The following NOD2 variants were observed in gnomAD, a reference collection of about 807,000 sequenced individuals.
NOD2 encodes the protein nucleotide-binding oligomerization domain-containing protein 2.
A neutral mutation model predicts 90.9 loss-of-function variants in NOD2; 86 were observed. The observed-to-expected ratio is 0.95, with a 90% CI of 0.79 to 1.13. NOD2 has a LOEUF of 1.13. Ranked by LOEUF, NOD2 falls within the 50% of genes most tolerant of loss-of-function variation. NOD2 has a pLI of 0.00. For missense variants in NOD2, 1,238 were observed against 1,283.8 expected, an observed-to-expected ratio of 0.96 and a Z score of 0.55; for synonymous variants, 581 against 554.6, an observed-to-expected ratio of 1.05 and a Z score of -0.67.
At chr16:50,698,544 G>A (rs746049158) in intron 1 of NOD2, among the ~76,000 whole-genome samples, 2 of 152,198 alleles carry the variant, frequency 1.3e-5, no homozygotes, top group Admixed American at 1.3e-4. Flanking sequence ...CACACAGCAC[G>A]GGCTTGGGGC....
Position 50,703,838 on chromosome 16 carries a change from G to T in NOD2, c.459+3884G>T, listed in dbSNP as rs74017777. ...CTCTTCTGGGAAGTCAGTCGGCAATGCCATGAATGAGTCTGGGGAAATATT... is the reference window on the plus strand; with the variant it reads ...CTCTTCTGGGAAGTCAGTCGGCAATTCCATGAATGAGTCTGGGGAAATATT... On this transcript the variant is annotated intron_variant, in intron 2 of 11. Transcript: ENST00000647318. Among the ~76,000 whole-genome samples the T allele has an allele frequency of 7.5e-3, 1,146 of 152,268 alleles. 11 individuals carry two copies. Among genetic ancestry groups the T allele is most frequent in the African/African-American group, 0.027 (1,110 of 41,542 alleles).
chr16:50,720,059 T>C (rs780786064), intron 7 of NOD2, 51 bp downstream of exon 7: 1 of 1,555,106 alleles, frequency 6.4e-7, no homozygotes, highest in Non-Finnish European at 8.9e-7. Context: ...TTGGGACTTT[T>C]GAGGATTTAG....
intron 2 of NOD2, among the ~76,000 whole-genome samples, chr16:50,702,031 G>A (rs989761024): frequency 5.9e-5 from 9 of 152,210 alleles, no homozygotes; most frequent in Admixed American, 5.2e-4. Flanking sequence ...CTGAAGTCTC[G>A]AACTTCTGGG....
chr16:50,722,521 C>G, intron 7 of NOD2, 101 bp from the exon 8 acceptor site: 2 of 1,168,452 alleles, frequency 1.7e-6, no homozygotes, highest in Non-Finnish European at 2.6e-6. Flanking sequence ...GGTCCTGCCC[C>G]TCTGGCTGGG....
At chr16:50,712,604 T>G in intron 4 of NOD2, 15 of 589,572 alleles carry the variant, frequency 2.5e-5, no homozygotes, top group East Asian at 2.9e-5. Flanking sequence ...CTTTCCGGAA[T>G]GACCTCATCT....
Position 50,707,257 on chromosome 16 carries a change from A to G in NOD2, c.460-598A>G, listed in dbSNP as rs192663765. On this transcript the variant is annotated intron_variant, in intron 2 of 11. Coordinates refer to ENST00000647318, the MANE Select transcript of NOD2 (RefSeq NM_001370466.1). ...GGCAGATTACAGACGAGAGGCTTCA[A>G]GGGTGACTCCAAGACTTCGGGGCAG... Among the ~76,000 whole-genome samples, 64 of 152,320 alleles carry G rather than the reference A, an allele frequency of 4.2e-4. No individual in the cohort carries two copies. The East Asian group carries it at 0.01, about 24-fold the overall frequency.
At chr16:50,714,073 T>A (rs1164759071) in intron 4 of NOD2, among the ~76,000 whole-genome samples, 1 of 152,174 alleles carries the variant, frequency 6.6e-6, no homozygotes, top group Non-Finnish European at 1.5e-5. Context: ...GAAATAAGAA[T>A]GTGCATTTTC....
chr16:50,704,603 A>G (rs959996193), intron 2 of NOD2, among the ~76,000 whole-genome samples: 4 of 149,996 alleles, frequency 2.7e-5, no homozygotes, highest in African/African-American at 9.9e-5. Context: ...GTGTGATCTC[A>G]GCTCACTGCA....
In NOD2 at chr16:50,732,181, G is replaced by A. The variant is rs533083386; in HGVS notation, c.*362G>A. 12 of 383,414 alleles carry A rather than the reference G, an allele frequency of 3.1e-5. No individual in the cohort carries two copies. Among genetic ancestry groups the A allele is most frequent in the African/African-American group, 1.9e-4 (9 of 48,090 alleles). 23.8% of individuals were successfully genotyped at this position (383,414 alleles called of 1,614,324 possible). A position where few individuals can be genotyped will look rare whatever the true frequency, so the allele number is the denominator to read the frequency against. On this transcript the variant is annotated 3_prime_UTR_variant, in exon 12 of 12. Transcript: ENST00000647318. Reference sequence around the variant, plus strand: ...TGTGCTTGTTAACTGAGTGCCTTTTGGTGGAGAGGCCCGGCCTCTCACAAA... The same window carrying A: ...TGTGCTTGTTAACTGAGTGCCTTTTAGTGGAGAGGCCCGGCCTCTCACAAA...
chr16:50,708,910 G>A (rs765781327), intron 3 of NOD2, among the ~76,000 whole-genome samples: 16 of 152,246 alleles, frequency 1.1e-4, no homozygotes, highest in Non-Finnish European at 2.2e-4. Flanking sequence ...ACGGAGTGCA[G>A]GCCCTGGTTT....
intron 10 of NOD2, chr16:50,728,223 T>C (rs927145002): frequency 1.2e-5 from 3 of 249,944 alleles, no homozygotes; most frequent in African/African-American, 4.5e-5. Flanking sequence ...TTGCTCTCAA[T>C]TGGTCATTGT....
At chr16:50,707,092 C>G (rs1441369633) in intron 2 of NOD2, among the ~76,000 whole-genome samples, 1 of 152,202 alleles carries the variant, frequency 6.6e-6, no homozygotes, top group Non-Finnish European at 1.5e-5. Flanking sequence ...TTGATTTCAT[C>G]TATTTCTTTT....
At chr16:50,699,127 C>T (rs764955541) in intron 1 of NOD2, among the ~76,000 whole-genome samples, 25 of 152,190 alleles carry the variant, frequency 1.6e-4, no homozygotes, top group African/African-American at 2.9e-4. Context: ...AGCGTTTCAC[C>T]GTGTTGGCCG....
chr16:50,716,120 T>C (rs1964781387), intron 4 of NOD2, among the ~76,000 whole-genome samples: 1 of 152,184 alleles, frequency 6.6e-6, no homozygotes. Context: ...TATGCCTGTT[T>C]CTGAAGTTTT....
At position 50,722,604 on chromosome 16, in the gene NOD2, C is replaced by T; in HGVS notation, c.2634-18C>T. 6.2e-7 allele frequency: 1 copy of T among 1,612,726 alleles called. No homozygotes were observed. The highest frequency in any genetic ancestry group is 8.5e-7 in the Non-Finnish European group (1 of 1,178,688). On this transcript the variant is annotated intron_variant, in intron 7 of 11. Coordinates refer to ENST00000647318, the MANE Select transcript of NOD2 (RefSeq NM_001370466.1). ...GGTACTCACTGACACTGTCTGTTGACTCTTTTGGCCTTTTCAGATTCTGGG... is the reference window on the plus strand; with the variant it reads ...GGTACTCACTGACACTGTCTGTTGATTCTTTTGGCCTTTTCAGATTCTGGG...
chr16:50,721,798 T>G (rs10521209), intron 7 of NOD2, among the ~76,000 whole-genome samples: 51,441 of 152,170 alleles, frequency 0.34, 9,458 homozygotes, highest in Non-Finnish European at 0.41. Flanking sequence ...CAGCCTGACC[T>G]CATTTTTCAA....
At chr16:50,715,360 C>G (rs909383993) in intron 4 of NOD2, among the ~76,000 whole-genome samples, 1 of 151,520 alleles carries the variant, frequency 6.6e-6, no homozygotes, top group Non-Finnish European at 1.5e-5. Flanking sequence ...TACTGTGTAC[C>G]GGGTGCTCAC....
intron 11 of NOD2, 32 bp from the exon 12 acceptor site, chr16:50,731,715 A>C (rs753779172): frequency 1.3e-6 from 2 of 1,524,644 alleles, no homozygotes; most frequent in Non-Finnish European, 1.8e-6. Context: ...TTTTGTCCTC[A>C]CTCAAACCTC....
At chr16:50,699,391 C>A in intron 1 of NOD2, 97 bp from the exon 2 acceptor site, 1 of 980,822 alleles carries the variant, frequency 1.0e-6, no homozygotes, top group Non-Finnish European at 1.6e-6. Flanking sequence ...CCATGGCCAA[C>A]TCGGGTTCTG....
Sources: gnomAD v4.1 joint callset for allele counts (sites outside exome capture counted in the v4.1 genomes callset) on GRCh38, gnomAD v4.1.1 for gene constraint, MANE v1.5 for transcripts, NCBI Gene and HGNC (gene_info 2026-07-23, HGNC 2026-07-21) for gene names.